The following JMJD1C variants were observed in gnomAD, a reference collection of about 807,000 sequenced individuals.
The protein encoded by JMJD1C is jumonji domain-containing protein 1C.
JMJD1C carries 31 observed loss-of-function variants against 245.3 expected under a neutral mutation model. That is an observed-to-expected ratio of 0.13 (90% CI 0.09 to 0.17). The LOEUF (loss-of-function observed/expected upper bound fraction) is 0.17, where lower values mean the gene tolerates loss of function less well. Ranked by LOEUF, JMJD1C falls within the 10% of genes least tolerant of loss-of-function variation. The probability of loss-of-function intolerance (pLI) is 1.00; values close to 1 mark genes in which losing one functional copy is unlikely to be tolerated. For synonymous variants in JMJD1C, 1,057 were observed against 1,017.4 expected, an observed-to-expected ratio of 1.04 and a Z score of -0.74; for missense variants, 2,691 against 3,000.2, an observed-to-expected ratio of 0.90 and a Z score of 2.41.
At chr10:63,201,428 G>A (rs992410760) in intron 10 of JMJD1C, among the ~76,000 whole-genome samples, 2 of 151,854 alleles carry the variant, frequency 1.3e-5, no homozygotes, top group Non-Finnish European at 2.9e-5. Context: ...AAACTCTAAT[G>A]CATTATACAG....
intron 2 of JMJD1C, among the ~76,000 whole-genome samples, chr10:63,307,249 G>A (rs981036397): frequency 2.0e-5 from 3 of 151,950 alleles, no homozygotes; most frequent in African/African-American, 7.3e-5. Flanking sequence ...ATAGTTAACA[G>A]ATTTGCTGAA....
chr10:63,215,775 T>A (rs1847906898), intron 5 of JMJD1C, 79 bp from the exon 6 acceptor site: 1 of 926,578 alleles, frequency 1.1e-6, no homozygotes, highest in Non-Finnish European at 1.5e-6. Context: ...CTTTACTCAG[T>A]AGAAATGTTT....
chr10:63,447,075 G>GAA (rs11397244), intron 1 of JMJD1C, among the ~76,000 whole-genome samples: 184 of 145,352 alleles, frequency 1.3e-3, no homozygotes, highest in African/African-American at 1.9e-3. Flanking sequence ...TTATAACCAG[G>GAA]AAAAAAAAAA....
At chr10:63,256,935 G>T (rs1429654861) in intron 3 of JMJD1C, among the ~76,000 whole-genome samples, 2 of 152,198 alleles carry the variant, frequency 1.3e-5, no homozygotes, top group African/African-American at 4.8e-5. Flanking sequence ...TCCAGAAACA[G>T]ATATAGAAAA....
intron 5 of JMJD1C, 76 bp downstream of exon 5, chr10:63,217,131 T>G: frequency 1.6e-6 from 2 of 1,271,888 alleles, no homozygotes; most frequent in Non-Finnish European, 1.1e-6. Context: ...TAGTATCAAA[T>G]TGTTGATGTA....
At chr10:63,228,411 G>A (rs1260480390) in intron 3 of JMJD1C, among the ~76,000 whole-genome samples, 1 of 151,966 alleles carries the variant, frequency 6.6e-6, no homozygotes, top group African/African-American at 2.4e-5. Context: ...TAGCTACTCA[G>A]GAGGCTGAGG....
At chr10:63,225,132 G>C (rs1183150191) in intron 3 of JMJD1C, among the ~76,000 whole-genome samples, 3 of 152,072 alleles carry the variant, frequency 2.0e-5, no homozygotes, top group African/African-American at 7.2e-5. Context: ...GTAACTATAA[G>C]TAGTTACCTA....
intron 17 of JMJD1C, among the ~76,000 whole-genome samples, chr10:63,190,226 A>G (rs1844618652): frequency 6.9e-6 from 1 of 145,622 alleles, no homozygotes; most frequent in Admixed American, 6.9e-5. Flanking sequence ...TTTTTTTGAG[A>G]TGGAGTCTCG....
At position 63,276,884 on chromosome 10, in the gene JMJD1C, C is replaced by CTTTTTTTTTT. The variant is rs760452367; in HGVS notation, c.334-12130_334-12121dup. ...CTATGGAAGGAATAGAAGCTTGGGGCTTTTTTTTTTTTTTTTTTGAGAGAG... is the reference window on the plus strand; with the variant it reads ...CTATGGAAGGAATAGAAGCTTGGGGCTTTTTTTTTTTTTTTTTTTTTTTTTTTTGAGAGAG... On this transcript the variant is annotated intron_variant, in intron 2 of 25. Transcript: ENST00000399262. 7.3e-3 allele frequency among the ~76,000 whole-genome samples: 702 copies of CTTTTTTTTTT among 96,242 alleles called. 82 individuals carry two copies. The highest frequency in any genetic ancestry group is 0.011 in the African/African-American group (250 of 23,352). 63.1% of individuals were successfully genotyped at this position (96,242 alleles called of 152,430 possible).
At chr10:63,195,505 T>C (rs1165505900) in intron 13 of JMJD1C, among the ~76,000 whole-genome samples, 1 of 152,232 alleles carries the variant, frequency 6.6e-6, no homozygotes. Flanking sequence ...ATATTGCTTA[T>C]ATTTTAGACA....
Position 63,446,611 on chromosome 10 carries a change from G to A in JMJD1C, c.168+18884C>T, listed in dbSNP as rs183408452. Among the ~76,000 whole-genome samples, 9 of 152,264 alleles carry A rather than the reference G, an allele frequency of 5.9e-5. No homozygotes were observed. In the East Asian group the frequency reaches 1.4e-3, roughly 23 times the overall value. On this transcript the variant is annotated intron_variant, in intron 1 of 25. Coordinates refer to ENST00000399262, the MANE Select transcript of JMJD1C (RefSeq NM_032776.3). The stretch of plus-strand genomic sequence containing the variant: ...AAACCTTCCAAGGAGAGGCAAGAAA[G>A]ACAGATACGAGAAAAACCAAGTGAG...
intron 13 of JMJD1C, 194 bp from the exon 14 acceptor site, chr10:63,194,569 G>T (rs1160889149): frequency 1.6e-5 from 7 of 446,190 alleles, no homozygotes; most frequent in African/African-American, 1.4e-4. Context: ...AAACAAGTCA[G>T]GAAAAACAGT....
At chr10:63,424,333 A>G (rs1950304097) in intron 1 of JMJD1C, among the ~76,000 whole-genome samples, 1 of 150,926 alleles carries the variant, frequency 6.6e-6, no homozygotes, top group East Asian at 2.0e-4. Context: ...TCCCAAAGTG[A>G]TGGGATTACA....
chr10:63,447,868 G>A (rs1951806433), intron 1 of JMJD1C, among the ~76,000 whole-genome samples: 1 of 152,022 alleles, frequency 6.6e-6, no homozygotes, highest in South Asian at 2.1e-4. Flanking sequence ...GAACCCAGGA[G>A]GCAAAGGTTG....
At chr10:63,202,522 T>A (rs1846139002) in intron 10 of JMJD1C, 1 of 985,324 alleles carries the variant, frequency 1.0e-6, no homozygotes, top group Non-Finnish European at 1.2e-6. Flanking sequence ...TGTGTTTAAA[T>A]AAACCATATA....
chr10:63,217,455 A>T (rs1028517389), intron 4 of JMJD1C, 124 bp from the exon 5 acceptor site: 2 of 711,962 alleles, frequency 2.8e-6, no homozygotes, highest in Non-Finnish European at 4.3e-6. Context: ...TTTTCAAAAA[A>T]ATGTTTTAGA....
chr10:63,416,062 C>T (rs1337678763), intron 1 of JMJD1C, among the ~76,000 whole-genome samples: 1 of 152,080 alleles, frequency 6.6e-6, no homozygotes, highest in Non-Finnish European at 1.5e-5. Flanking sequence ...CTGCCCTTAG[C>T]GAGAAGTTCC....
intron 2 of JMJD1C, among the ~76,000 whole-genome samples, chr10:63,281,907 G>A (rs1021107308): frequency 1.3e-4 from 20 of 152,130 alleles, no homozygotes; most frequent in African/African-American, 4.8e-4. Context: ...GAGAAACTGA[G>A]GTTAACCTAA....
intron 2 of JMJD1C, chr10:63,269,160 CTCTG>C (rs1171462133): frequency 1.0e-6 from 1 of 985,360 alleles, no homozygotes; most frequent in Non-Finnish European, 1.2e-6. Flanking sequence ...TCCCACTGTA[CTCTG>C]TCTGCGTGGA....
Sources: gnomAD v4.1 joint callset for allele counts (sites outside exome capture counted in the v4.1 genomes callset) on GRCh38, gnomAD v4.1.1 for gene constraint, MANE v1.5 for transcripts, NCBI Gene and HGNC (gene_info 2026-07-23, HGNC 2026-07-21) for gene names.